The following SLC2A9 variants were observed in gnomAD, a reference collection of about 807,000 sequenced individuals.
The protein encoded by SLC2A9 is solute carrier family 2, facilitated glucose transporter member 9.
SLC2A9 carries 39 observed loss-of-function variants against 50.6 expected under a neutral mutation model. The observed-to-expected ratio is 0.77, with a 90% CI of 0.60 to 1.01. SLC2A9 has a LOEUF of 1.01. SLC2A9 is among the 50% of genes least tolerant of loss of function. The probability of loss-of-function intolerance (pLI) is 0.00; values close to 1 mark genes in which losing one functional copy is unlikely to be tolerated. For missense variants in SLC2A9, 686 were observed against 677.6 expected, an observed-to-expected ratio of 1.01 and a Z score of -0.14; for synonymous variants, 324 against 276.9, an observed-to-expected ratio of 1.17 and a Z score of -1.69.
rs532646084 is a variant in SLC2A9 at position 9,973,670 on chromosome 4, A to G, written c.681+6922T>C. Among the ~76,000 whole-genome samples, 313 of 127,168 alleles carry G rather than the reference A, an allele frequency of 2.5e-3. 3 individuals carry two copies. Among genetic ancestry groups the G allele is most frequent in the Non-Finnish European group, 3.9e-3 (249 of 63,700 alleles). The allele number at this position is 127,168 out of a possible 152,430, so 83.4% of individuals were successfully genotyped here. On this transcript the variant is annotated intron_variant, in intron 5 of 11. Transcript: ENST00000264784. ...GGTGGGAATTGAACAATGAGAACAC[A>G]TGGACACAGGAAGGGGAACATCACA...
At chr4:9,978,011 C>T (rs1395957442) in intron 5 of SLC2A9, among the ~76,000 whole-genome samples, 8 of 152,176 alleles carry the variant, frequency 5.3e-5, no homozygotes, top group Non-Finnish European at 5.9e-5. Context: ...CGGAAGCAAA[C>T]GGAAATCAGT....
chr4:9,952,807 G>T (rs1294226909), intron 5 of SLC2A9, among the ~76,000 whole-genome samples: 1 of 152,220 alleles, frequency 6.6e-6, no homozygotes, highest in Non-Finnish European at 1.5e-5. Flanking sequence ...TTACCGGCGT[G>T]AGTCAGGTGT....
chr4:9,840,885 G>A (rs1216891108), intron 10 of SLC2A9, among the ~76,000 whole-genome samples: 1 of 149,858 alleles, frequency 6.7e-6, no homozygotes, highest in Non-Finnish European at 1.5e-5. Flanking sequence ...AGGCAAAGGG[G>A]AAGCAAGACA....
rs146760627 is a variant in SLC2A9 at position 9,972,260 on chromosome 4, C to A, written c.681+8332G>T. On this transcript the variant is annotated intron_variant, in intron 5 of 11. Transcript: ENST00000264784. Reference sequence around the variant, plus strand: ...AAATGTTCTTCTGAGCATATAAAATCGTTCCTTTACGGCCTCACATCATTC... The same window carrying A: ...AAATGTTCTTCTGAGCATATAAAATAGTTCCTTTACGGCCTCACATCATTC... Among the ~76,000 whole-genome samples, 36 of 152,240 alleles carry A rather than the reference C, an allele frequency of 2.4e-4. No individual in the cohort carries two copies. In the South Asian group the frequency reaches 6.8e-3, roughly 29 times the overall value.
chr4:9,906,705 A>G (rs953874299), intron 8 of SLC2A9, among the ~76,000 whole-genome samples: 1 of 152,216 alleles, frequency 6.6e-6, no homozygotes, highest in Non-Finnish European at 1.5e-5. Flanking sequence ...CACAACACCA[A>G]TAAAATACTT....
At chr4:9,929,549 C>A (rs62294288) in intron 6 of SLC2A9, among the ~76,000 whole-genome samples, 1 of 152,060 alleles carries the variant, frequency 6.6e-6, no homozygotes, top group Non-Finnish European at 1.5e-5. Context: ...TGGAGAGGCA[C>A]GTGCTGTGCT....
At chr4:9,844,842 C>G (rs1728691205) in intron 10 of SLC2A9, among the ~76,000 whole-genome samples, 1 of 152,162 alleles carries the variant, frequency 6.6e-6, no homozygotes. Flanking sequence ...ATAGTTCCTA[C>G]TTAGTTTTGT....
At chr4:10,039,141 T>C (rs530263257) in intron 1 of SLC2A9, among the ~76,000 whole-genome samples, 3 of 152,358 alleles carry the variant, frequency 2.0e-5, no homozygotes, top group African/African-American at 7.2e-5. Context: ...AATCTCCGAC[T>C]TCATGCTTGT....
At chr4:9,879,207 C>A in intron 10 of SLC2A9, 1 of 985,226 alleles carries the variant, frequency 1.0e-6, no homozygotes, top group Non-Finnish European at 1.2e-6. Context: ...GCTGTGGGAG[C>A]CCAGAGGGGC....
At chr4:9,970,609 G>A (rs184927416) in intron 5 of SLC2A9, among the ~76,000 whole-genome samples, 1 of 152,098 alleles carries the variant, frequency 6.6e-6, no homozygotes, top group East Asian at 1.9e-4. Flanking sequence ...AAGAGTTTGT[G>A]CTGTTGCTAA....
At chr4:10,003,452 A>T (rs1483327590) in intron 2 of SLC2A9, among the ~76,000 whole-genome samples, 1 of 152,186 alleles carries the variant, frequency 6.6e-6, no homozygotes, top group African/African-American at 2.4e-5. Flanking sequence ...TCTTACTGTG[A>T]CGTTGGGAAA....
At chr4:10,038,506 C>CAA (rs35698968) in intron 1 of SLC2A9, among the ~76,000 whole-genome samples, 1,370 of 49,272 alleles carry the variant, frequency 0.028, 169 homozygotes, top group South Asian at 0.054. Flanking sequence ...GACTCTGTCT[C>CAA]AAAAAAAAAA....
chr4:9,985,841 G>T, intron 3 of SLC2A9, 48 bp from the exon 4 acceptor site: 1 of 1,613,196 alleles, frequency 6.2e-7, no homozygotes, highest in Non-Finnish European at 8.5e-7. Flanking sequence ...CATGAGGCAT[G>T]TCACTGAACT....
exon 2 of SLC2A9, chr4:9,771,344 A>G (rs2108812516): frequency 2.5e-6 from 1 of 393,310 alleles, no homozygotes. Context: ...TCATTTCTGC[A>G]GGTCTGCCTT....
intron 10 of SLC2A9, among the ~76,000 whole-genome samples, chr4:9,880,719 A>G (rs1387231811): frequency 6.6e-6 from 1 of 152,224 alleles, no homozygotes; most frequent in Non-Finnish European, 1.5e-5. Flanking sequence ...AACAGCTGTT[A>G]TGGAAAAAGA....
At chr4:9,877,286 A>AT (rs1375066443) in intron 10 of SLC2A9, among the ~76,000 whole-genome samples, 1 of 152,218 alleles carries the variant, frequency 6.6e-6, no homozygotes, top group Non-Finnish European at 1.5e-5. Context: ...TAAGCACCCC[A>AT]TCCCAGGCAG....
chr4:9,879,214 G>C (rs185169758), intron 10 of SLC2A9: 1 of 985,230 alleles, frequency 1.0e-6, no homozygotes, highest in Non-Finnish European at 1.2e-6. Flanking sequence ...GAGCCCAGAG[G>C]GGCGGGCTGT....
At position 9,811,829 on chromosome 4, in the gene SLC2A9, A is replaced by G. The variant is rs75855375; in HGVS notation, n.421-12588T>C. Among the ~76,000 whole-genome samples the G allele has an allele frequency of 4.6e-5, 7 of 152,332 alleles. No individual in the cohort carries two copies. The East Asian group carries it at 1.3e-3, about 29-fold the overall frequency. ...TGAGGTGGCCAAGCTGAGAAGACAC[A>G]AGGCTGAGGATATGGAGGCTGCCAT... On this transcript the variant is annotated intron_variant and non_coding_transcript_variant, in intron 3 of 3. Transcript: ENST00000503280.
rs376333462 is a variant in SLC2A9, at chr4:9,791,980, C to A, written n.386-11915G>T. On this transcript the variant is annotated intron_variant and non_coding_transcript_variant, in intron 3 of 3. Coordinates refer to the SLC2A9 transcript ENST00000503803. ...CATTTATTGAATCCTTCACTATACC[C>A]CAGGTACTTTGTAAACCTTTTTCCA... Among the ~76,000 whole-genome samples the A allele has an allele frequency of 1.4e-4, 21 of 152,184 alleles. No individual in the cohort carries two copies. In the East Asian group the frequency reaches 3.5e-3, roughly 25 times the overall value.
Sources: allele counts gnomAD v4.1 joint callset (sites outside exome capture counted in the v4.1 genomes callset), GRCh38; gene constraint gnomAD v4.1.1; transcripts MANE v1.5; gene names NCBI Gene and HGNC (gene_info 2026-07-23, HGNC 2026-07-21).